DPP10: variants seen among roughly 807,000 people sequenced by gnomAD.
DPP10 encodes inactive dipeptidyl peptidase 10.
A neutral mutation model predicts 120.9 loss-of-function variants in DPP10; 33 were observed. The ratio of observed to expected loss-of-function variants is 0.27; its 90% CI spans 0.21 to 0.37. The LOEUF (loss-of-function observed/expected upper bound fraction) is 0.37. Among genes scored for constraint, DPP10 ranks in the 10% least tolerant of loss-of-function variants. The pLI, the probability that DPP10 is intolerant of heterozygous loss-of-function variation, is 1.00. For missense variants in DPP10, 816 were observed against 942.8 expected (o/e 0.87, Z 1.76); for synonymous variants, 337 against 326.1 (o/e 1.03, Z -0.36).
chr2:115,673,466 C>T (rs531380316), intron 5 of DPP10, among the ~76,000 whole-genome samples: 1 of 152,238 alleles, frequency 6.6e-6, no homozygotes, highest in African/African-American at 2.4e-5. Flanking sequence ...TTTAGGGAGT[C>T]AAGACATGCC....
At chr2:114,721,077 C>A (rs1340720134) in intron 1 of DPP10, among the ~76,000 whole-genome samples, 1 of 152,218 alleles carries the variant, frequency 6.6e-6, no homozygotes, top group African/African-American at 2.4e-5. Context: ...CCTATCCCAC[C>A]CTGACGAGGT....
intron 7 of DPP10, among the ~76,000 whole-genome samples, chr2:115,696,317 A>G (rs1174118293): frequency 6.6e-6 from 1 of 152,186 alleles, no homozygotes; most frequent in Non-Finnish European, 1.5e-5. Context: ...CAAACTGTTG[A>G]AAGACAAAGA....
intron 1 of DPP10, among the ~76,000 whole-genome samples, chr2:114,824,679 A>G (rs897343479): frequency 1.3e-5 from 2 of 152,208 alleles, no homozygotes; most frequent in Non-Finnish European, 2.9e-5. Context: ...ACAGGAAAGA[A>G]TATTAGGAAA....
intron 5 of DPP10, among the ~76,000 whole-genome samples, chr2:115,657,423 A>G (rs1301853802): frequency 1.3e-5 from 2 of 151,716 alleles, no homozygotes; most frequent in Non-Finnish European, 3.0e-5. Context: ...AATTTATGAA[A>G]CAGAAAATAT....
chr2:114,451,685 G>C (rs990619335), intron 1 of DPP10, among the ~76,000 whole-genome samples: 1 of 152,116 alleles, frequency 6.6e-6, no homozygotes. Context: ...CATACATGGA[G>C]CTGGACTTTG....
intron 3 of DPP10, among the ~76,000 whole-genome samples, chr2:115,418,156 G>A (rs1574782155): frequency 6.6e-6 from 1 of 152,194 alleles, no homozygotes; most frequent in African/African-American, 2.4e-5. Context: ...TGGATGTGAT[G>A]TGTGCAAGAG....
intron 1 of DPP10, among the ~76,000 whole-genome samples, chr2:114,888,217 T>C (rs575168255): frequency 1.3e-5 from 2 of 151,934 alleles, no homozygotes; most frequent in East Asian, 3.9e-4. Context: ...CACCAATGCC[T>C]GTGCTCAGCA....
At chr2:115,335,278 A>T (rs1311567972) in intron 2 of DPP10, among the ~76,000 whole-genome samples, 1 of 152,000 alleles carries the variant, frequency 6.6e-6, no homozygotes, top group African/African-American at 2.4e-5. Context: ...TGAAAATGAG[A>T]TTTGGGTAGG....
At chr2:114,896,574 T>C (rs1693021946) in intron 1 of DPP10, among the ~76,000 whole-genome samples, 1 of 152,128 alleles carries the variant, frequency 6.6e-6, no homozygotes, top group Non-Finnish European at 1.5e-5. Context: ...GTGATTTTTG[T>C]ACATTGATTT....
At chr2:114,972,554 G>C (rs1042934253) in intron 1 of DPP10, among the ~76,000 whole-genome samples, 3 of 152,010 alleles carry the variant, frequency 2.0e-5, no homozygotes, top group African/African-American at 7.2e-5. Context: ...TCAGGATGAT[G>C]GATCCATTGA....
At chr2:114,903,161 A>G (rs1430640288) in intron 1 of DPP10, among the ~76,000 whole-genome samples, 2 of 152,008 alleles carry the variant, frequency 1.3e-5, no homozygotes, top group Non-Finnish European at 1.5e-5. Flanking sequence ...ATAATATTCT[A>G]TTGTCTGATG....
chr2:115,363,024 A>G (rs533685871), intron 3 of DPP10, among the ~76,000 whole-genome samples: 1 of 152,326 alleles, frequency 6.6e-6, no homozygotes, highest in South Asian at 2.1e-4. Context: ...TACTGGGTTC[A>G]TGACCCAAGC....
At chr2:115,163,759 T>C (rs904485731) in intron 1 of DPP10, among the ~76,000 whole-genome samples, 7 of 152,318 alleles carry the variant, frequency 4.6e-5, no homozygotes, top group African/African-American at 1.2e-4. Context: ...ATGAAATCTT[T>C]GCTCACTAAC....
chr2:115,149,119 CTCT>C, intron 1 of DPP10, among the ~76,000 whole-genome samples: 1 of 152,260 alleles, frequency 6.6e-6, no homozygotes, highest in East Asian at 1.9e-4. Flanking sequence ...ACATGTTCTT[CTCT>C]TCTCTGCATT....
chr2:114,797,007 C>T (rs542096246), intron 1 of DPP10, among the ~76,000 whole-genome samples: 4 of 152,064 alleles, frequency 2.6e-5, no homozygotes, highest in Non-Finnish European at 5.9e-5. Flanking sequence ...CTACATAGCT[C>T]AACAGTCTAG....
chr2:114,618,624 A>C (rs1573805120), intron 1 of DPP10, among the ~76,000 whole-genome samples: 1 of 152,050 alleles, frequency 6.6e-6, no homozygotes, highest in East Asian at 1.9e-4. Flanking sequence ...AAATAATAAT[A>C]CTAATAATAG....
At chr2:114,992,725 T>C (rs371278596) in intron 1 of DPP10, among the ~76,000 whole-genome samples, 25 of 152,346 alleles carry the variant, frequency 1.6e-4, no homozygotes, top group East Asian at 1.2e-3. Context: ...AGGGTTCAGT[T>C]ACTAAATTCC....
chr2:115,819,898 G>A (rs1462986247), intron 21 of DPP10, among the ~76,000 whole-genome samples: 1 of 152,202 alleles, frequency 6.6e-6, no homozygotes, highest in Non-Finnish European at 1.5e-5. Context: ...GGAGGCTGAG[G>A]CAGGAGAATC....
chr2:115,762,395 T>A lies in DPP10; in HGVS notation c.1075-177T>A, dbSNP rs796221940. ...ACTTTATAATTAAATTATCGTTTAG[T>A]CCCTATTCTCTACTTACTCATTCAG... On this transcript the variant is annotated intron_variant, in intron 11 of 25. Transcript: ENST00000410059. Among the ~76,000 whole-genome samples the A allele has an allele frequency of 5.3e-5, 8 of 152,200 alleles. 1 individual carries two copies. The highest frequency in any genetic ancestry group is 1.9e-4 in the African/African-American group (8 of 41,564).
Sources: gnomAD v4.1 joint callset for allele counts (sites outside exome capture counted in the v4.1 genomes callset) on GRCh38, gnomAD v4.1.1 for gene constraint, MANE v1.5 for transcripts, NCBI Gene and HGNC (gene_info 2026-07-23, HGNC 2026-07-21) for gene names.